The following HSP90B1 variants were observed in gnomAD, a reference collection of about 807,000 sequenced individuals.
HSP90B1 encodes the protein heat shock protein 90 beta family member 1, also known as endoplasmin.
Under a neutral mutation model 100.4 loss-of-function variants are expected in HSP90B1, and 27 were observed. The ratio of observed to expected loss-of-function variants is 0.27; its 90% CI spans 0.20 to 0.37. HSP90B1 has a LOEUF of 0.37. HSP90B1 is among the 10% of genes least tolerant of loss of function. The probability of loss-of-function intolerance (pLI) is 1.00; values close to 1 mark genes in which losing one functional copy is unlikely to be tolerated. For missense variants in HSP90B1, 678 were observed against 960.5 expected (o/e 0.71, Z 3.89); for synonymous variants, 304 against 330.8 (o/e 0.92, Z 0.88).
intron 8 of HSP90B1, among the ~76,000 whole-genome samples, chr12:103,940,208 G>A (rs568367529): frequency 2.0e-5 from 3 of 152,302 alleles, no homozygotes; most frequent in African/African-American, 7.2e-5. Flanking sequence ...CACAAAACCC[G>A]TAAAACATGA....
chr12:103,946,571 C>G (rs750146721), intron 14 of HSP90B1, 47 bp from the exon 15 acceptor site: 2 of 1,383,766 alleles, frequency 1.4e-6, no homozygotes, highest in Non-Finnish European at 2.1e-6. Flanking sequence ...CGTATGAACC[C>G]TAAAATTGGA....
At position 103,930,670 on chromosome 12, in the gene HSP90B1, G is replaced by A; in HGVS notation, c.49+106G>A. The A allele has an allele frequency of 9.6e-7, 1 of 1,037,406 alleles. No homozygotes were observed. The highest frequency in any genetic ancestry group is 1.4e-6 in the Non-Finnish European group (1 of 705,050). 64.3% of individuals were successfully genotyped at this position (1,037,406 alleles called of 1,614,324 possible). A position where few individuals can be genotyped will look rare whatever the true frequency, so the allele number is the denominator to read the frequency against. ...GAGGGGGGATCCCGGGGCCTGCGGT[G>A]GGCCAAGGGACGTCACCATTCCTCG... is the stretch of plus-strand genomic sequence containing the variant. On this transcript the variant is annotated intron_variant, in intron 1 of 17. Transcript: ENST00000299767. This position sits in a 1 kb window ranked among gnomAD's most constrained non-coding sequence, Gnocchi z 4.4.
At chr12:103,944,917 A>G (rs990730035) in intron 14 of HSP90B1, among the ~76,000 whole-genome samples, 1 of 152,246 alleles carries the variant, frequency 6.6e-6, no homozygotes, top group African/African-American at 2.4e-5. Context: ...CAATTCTAAA[A>G]TTCCATATAT....
intron 14 of HSP90B1, among the ~76,000 whole-genome samples, chr12:103,944,125 A>G (rs192128341): frequency 2.8e-4 from 42 of 152,312 alleles, no homozygotes; most frequent in Admixed American, 2.4e-3. Context: ...TGTGTTATGC[A>G]TAGTCTTTAC....
At chr12:103,938,308 T>G in intron 6 of HSP90B1, 32 bp from the exon 7 acceptor site, 1 of 1,510,610 alleles carries the variant, frequency 6.6e-7, no homozygotes, top group Non-Finnish European at 8.9e-7. Flanking sequence ...GTTAAACAAA[T>G]GAGTTTAACC....
intron 15 of HSP90B1, 36 bp downstream of exon 15, chr12:103,946,732 T>C (rs1566168698): frequency 6.2e-7 from 1 of 1,612,446 alleles, no homozygotes; most frequent in Non-Finnish European, 8.5e-7. Context: ...TGTCTTTTAA[T>C]TTGAGTACTT....
intron 12 of HSP90B1, 107 bp from the exon 13 acceptor site, chr12:103,942,967 C>T: frequency 6.8e-7 from 1 of 1,477,476 alleles, no homozygotes; most frequent in South Asian, 1.3e-5. Context: ...CTTAATTCTT[C>T]ACCTGTAAAA....
intron 2 of HSP90B1, 34 bp from the exon 3 acceptor site, chr12:103,932,243 A>G (rs1469454735): frequency 1.3e-6 from 2 of 1,578,992 alleles, no homozygotes; most frequent in African/African-American, 1.4e-5. Flanking sequence ...GAACTATGCC[A>G]TGCAATATTT....
At position 103,938,384 on chromosome 12, in the gene HSP90B1, AG is replaced by A. The variant is rs756025266; in HGVS notation, c.901del (p.Glu301LysfsTer12). 1.9e-6 allele frequency: 3 copies of A among 1,574,794 alleles called. No individual in the cohort carries two copies. The highest frequency in any genetic ancestry group is 2.6e-6 in the Non-Finnish European group (3 of 1,154,022). On this transcript the variant is annotated frameshift_variant, in exon 7 of 18. Transcript: ENST00000299767. LOFTEE classifies it high-confidence loss of function. ...EPMEEEEAAK[E>X]EKEESDDEAA... ...CCATGGAGGAAGAAGAAGCAGCCAAAGAAGAGAAAGAAGAATCTGATGATGA... is the reference window on the plus strand; with the variant it reads ...CCATGGAGGAAGAAGAAGCAGCCAAAAAGAGAAAGAAGAATCTGATGATGA...
At chr12:103,947,612 G>A (rs763551979) in intron 17 of HSP90B1, 21 bp from the exon 18 acceptor site, 1 of 1,569,210 alleles carries the variant, frequency 6.4e-7, no homozygotes, top group South Asian at 1.2e-5. Flanking sequence ...TACCTTCTGG[G>A]TTTTTTTTAT....
In HSP90B1 at chr12:103,943,229, A is replaced by C. The variant is rs751434474; in HGVS notation, c.1800A>C (p.Glu600Asp). The change falls in exon 13 of 18, where the codon GAA becomes GAC. Residue 600 changes from glutamate to aspartate, a missense_variant. Around this residue, in one of 8 missense-constraint regions of HSP90B1, gnomAD observed 170 missense variants for 236.7 expected, o/e 0.72. Coordinates refer to ENST00000299767, the MANE Select transcript of HSP90B1 (RefSeq NM_003299.3). This position sits in a 1 kb window ranked among gnomAD's most constrained non-coding sequence, Gnocchi z 5.3. The part of the protein sequence containing the change: ...NVAKEGVKFD[E>D]SEKTKESREA... ...CCAAGGAAGGAGTGAAGTTCGATGAAAGTGAGAAAACTAAGGAGAGTCGTG... is the reference window on the plus strand; with the variant it reads ...CCAAGGAAGGAGTGAAGTTCGATGACAGTGAGAAAACTAAGGAGAGTCGTG... 6.2e-7 allele frequency: 1 copy of C among 1,614,202 alleles called. No homozygotes were observed. Among genetic ancestry groups the C allele is most frequent in the South Asian group, 1.1e-5 (1 of 91,086 alleles).
In HSP90B1 at chr12:103,941,734, G is replaced by T. The variant is rs563135509; in HGVS notation, c.1308+28G>T. ...AAGTATCTGAAGTTTGGGAGAAGGG[G>T]TGATTGTTGTGGGGGTCTGGCAGTG... On this transcript the variant is annotated intron_variant, in intron 10 of 17. Transcript: ENST00000299767. 6 of 1,607,942 alleles carry T rather than the reference G, an allele frequency of 3.7e-6. No homozygotes were observed. In the South Asian group the frequency reaches 4.4e-5, roughly 12 times the overall value.
At chr12:103,933,805 A>G in intron 4 of HSP90B1, 151 bp from the exon 5 acceptor site, 1 of 627,768 alleles carries the variant, frequency 1.6e-6, no homozygotes, top group Non-Finnish European at 2.8e-6. Flanking sequence ...ACACTTTCAG[A>G]AAAGGCCATA....
chr12:103,942,017 CCTTT>C, intron 11 of HSP90B1, 120 bp downstream of exon 11: 1 of 729,164 alleles, frequency 1.4e-6, no homozygotes, highest in South Asian at 1.6e-5. Flanking sequence ...AGATGAATTT[CCTTT>C]CTTTCTGGAG....
At position 103,930,420 on chromosome 12, in the gene HSP90B1, C is replaced by T. The variant is rs1335207119; in HGVS notation, c.-96C>T. 7.8e-6 allele frequency: 9 copies of T among 1,160,364 alleles called. No homozygotes were observed. The highest frequency in any genetic ancestry group is 1.1e-5 in the Non-Finnish European group (9 of 834,722). 71.9% of individuals were successfully genotyped at this position (1,160,364 alleles called of 1,614,324 possible). On this transcript the variant is annotated 5_prime_UTR_variant, in exon 1 of 18. Transcript: ENST00000299767. The surrounding 1 kb of genome is among the most constrained non-coding windows in gnomAD (Gnocchi z 4.4). ...ACCTGCTTGCGGTGTAGTGGGCGGA[C>T]CGCGCGGCTGGAGGTGTGAGGATCC... is the stretch of plus-strand genomic sequence containing the variant.
chr12:103,932,704 G>C, intron 3 of HSP90B1, 122 bp from the exon 4 acceptor site: 1 of 697,842 alleles, frequency 1.4e-6, no homozygotes, highest in Middle Eastern at 3.0e-4. Context: ...GAAGATCACT[G>C]TTAGGTGAAT....
intron 5 of HSP90B1, among the ~76,000 whole-genome samples, chr12:103,936,282 T>C (rs1475117817): frequency 6.6e-6 from 1 of 152,178 alleles, no homozygotes; most frequent in East Asian, 1.9e-4. Flanking sequence ...TTTTAGCTTG[T>C]GAGCTATATG....
intron 9 of HSP90B1, 23 bp downstream of exon 9, chr12:103,941,570 C>T (rs750306832): frequency 6.8e-5 from 110 of 1,613,756 alleles, no homozygotes; most frequent in Non-Finnish European, 9.1e-5. Flanking sequence ...GTAGTACATG[C>T]TGCGTTTAAA....
At chr12:103,938,594 A>G (rs1191563200) in intron 7 of HSP90B1, 135 bp downstream of exon 7, 2 of 920,838 alleles carry the variant, frequency 2.2e-6, no homozygotes, top group Non-Finnish European at 3.2e-6. Context: ...AGCTTTTAAA[A>G]TAAGGCCTTT....
Sources: gnomAD v4.1 joint callset for allele counts (sites outside exome capture counted in the v4.1 genomes callset) on GRCh38, gnomAD v4.1.1 for gene constraint, gnomAD v4.1.1 regional missense constraint, Gnocchi (gnomAD v3.1) non-coding constraint, MANE v1.5 for transcripts, NCBI Gene and HGNC (gene_info 2026-07-23, HGNC 2026-07-21) for gene names.